Variants in CSGALNACT1 observed in about 807,000 individuals in gnomAD.
CSGALNACT1 encodes beta4GalNAcT-1.
Under a neutral mutation model 51.0 loss-of-function variants are expected in CSGALNACT1, and 52 were observed. The ratio of observed to expected loss-of-function variants is 1.02; its 90% CI spans 0.82 to 1.29. The LOEUF (loss-of-function observed/expected upper bound fraction) is 1.29, where lower values mean the gene tolerates loss of function less well. Ranked by LOEUF, CSGALNACT1 falls within the 50% of genes most tolerant of loss-of-function variation. The pLI is 0.00. For synonymous variants in CSGALNACT1, 341 were observed against 254.4 expected, an observed-to-expected ratio of 1.34 and a Z score of -3.24; for missense variants, 935 against 679.2, an observed-to-expected ratio of 1.38 and a Z score of -4.19.
Position 19,439,687 on chromosome 8 carries a change from C to G in CSGALNACT1, c.953+143G>C, listed in dbSNP as rs373250196. ...CTGCGGAAGAGGAGTGCAGACTTTT[C>G]CCTGAACACAGCCAGCAATCAATCC... On this transcript the variant is annotated intron_variant, in intron 6 of 9. Coordinates refer to ENST00000454498, the Ensembl canonical transcript of CSGALNACT1. 51 of 718,900 alleles carry G rather than the reference C, an allele frequency of 7.1e-5. No homozygotes were observed. The African/African-American group carries it at 7.7e-4, about 11-fold the overall frequency. The allele number at this position is 718,900 out of a possible 1,614,324, so 44.5% of individuals were successfully genotyped here.
rs186994881 is a variant in CSGALNACT1 at position 19,665,563 on chromosome 8, C to G, written c.-544+16910G>C. On this transcript the variant is annotated intron_variant, in intron 1 of 9. Transcript: ENST00000332246. Reference sequence around the variant, plus strand: ...TCTCCCTGAGGATGACTCACCATGCCTTTTCCCAACATCAGGCCCAGGAAG... The same window carrying G: ...TCTCCCTGAGGATGACTCACCATGCGTTTTCCCAACATCAGGCCCAGGAAG... Among the ~76,000 whole-genome samples the G allele has an allele frequency of 4.6e-5, 7 of 152,272 alleles. No individual in the cohort carries two copies. The East Asian group carries it at 1.4e-3, about 29-fold the overall frequency.
chr8:19,432,925 A>C (rs1414382054), intron 6 of CSGALNACT1, among the ~76,000 whole-genome samples: 1 of 152,060 alleles, frequency 6.6e-6, no homozygotes, highest in Non-Finnish European at 1.5e-5. Context: ...CAAACATCTA[A>C]GCTTCTTTAA....
At chr8:19,505,863 G>C (rs756061431) in exon 4 of CSGALNACT1, 3 of 1,604,528 alleles carry the variant, frequency 1.9e-6, no homozygotes, top group Non-Finnish European at 2.5e-6. Flanking sequence ...TCCAGAACCG[G>C]TGGCATCCCT....
chr8:19,535,654 G>T (rs185659109), intron 3 of CSGALNACT1, among the ~76,000 whole-genome samples: 5 of 152,258 alleles, frequency 3.3e-5, no homozygotes, highest in East Asian at 3.9e-4. Context: ...GATTCTGATT[G>T]TAAGATGATG....
At chr8:19,559,881 T>G (rs1165604140) in intron 3 of CSGALNACT1, among the ~76,000 whole-genome samples, 1 of 152,198 alleles carries the variant, frequency 6.6e-6, no homozygotes, top group Non-Finnish European at 1.5e-5. Flanking sequence ...TGAGGTGGTG[T>G]GGAACTTGAC....
At position 19,696,389 on chromosome 8, in the gene CSGALNACT1, G is replaced by C. The variant is rs545025763; in HGVS notation, c.-297+61461C>G. 7.9e-5 allele frequency among the ~76,000 whole-genome samples: 12 copies of C among 152,288 alleles called. 2 individuals are homozygous for C. Among genetic ancestry groups the C allele is most frequent in the African/African-American group, 2.9e-4 (12 of 41,558 alleles). On this transcript the variant is annotated intron_variant, in intron 1 of 1. Coordinates refer to the CSGALNACT1 transcript ENST00000517494. The stretch of plus-strand genomic sequence containing the variant: ...GGATATAAGCATGAATTAAAGGCAG[G>C]CCTTCCCTCAAGGGGCTCACTGTTT...
chr8:19,660,951 C>A (rs1049491475), intron 1 of CSGALNACT1, among the ~76,000 whole-genome samples: 3 of 152,156 alleles, frequency 2.0e-5, no homozygotes, highest in African/African-American at 7.2e-5. Context: ...CTTGCTCTGT[C>A]GCCCAGGCTG....
At chr8:19,511,449 CA>C (rs1160593511) in intron 3 of CSGALNACT1, among the ~76,000 whole-genome samples, 3 of 152,168 alleles carry the variant, frequency 2.0e-5, no homozygotes, top group Non-Finnish European at 4.4e-5. Context: ...CTCGGATAAA[CA>C]TACCATCCTG....
chr8:19,679,560 C>A (rs768157580), intron 1 of CSGALNACT1, among the ~76,000 whole-genome samples: 7 of 152,182 alleles, frequency 4.6e-5, no homozygotes, highest in African/African-American at 7.2e-5. Flanking sequence ...AGGATGCTGA[C>A]AATGCTGATC....
chr8:19,448,336 A>G (rs1278940381), intron 5 of CSGALNACT1, among the ~76,000 whole-genome samples: 2 of 152,212 alleles, frequency 1.3e-5, no homozygotes, highest in East Asian at 1.9e-4. Flanking sequence ...AAGGATGACC[A>G]TGTATGGTCT....
intron 6 of CSGALNACT1, among the ~76,000 whole-genome samples, chr8:19,428,248 T>C (rs2059087944): frequency 6.6e-6 from 1 of 152,176 alleles, no homozygotes; most frequent in Non-Finnish European, 1.5e-5. Flanking sequence ...ACACTGCTAA[T>C]AAAGACATAT....
intron 6 of CSGALNACT1, among the ~76,000 whole-genome samples, chr8:19,423,485 T>C (rs1050279179): frequency 1.3e-5 from 2 of 152,166 alleles, no homozygotes; most frequent in South Asian, 2.1e-4. Flanking sequence ...ATTCTGTGCA[T>C]GAATCCCCTA....
chr8:19,673,955 T>G (rs2059980975), intron 1 of CSGALNACT1, among the ~76,000 whole-genome samples: 3 of 152,300 alleles, frequency 2.0e-5, no homozygotes, highest in Admixed American at 1.3e-4. Flanking sequence ...ACTTGTCATC[T>G]AAGAGCTTAG....
At chr8:19,567,764 A>G (rs75757734) in intron 3 of CSGALNACT1, among the ~76,000 whole-genome samples, 4,565 of 152,282 alleles carry the variant, frequency 0.03, 240 homozygotes, top group African/African-American at 0.1. Context: ...GAAAACACAT[A>G]TAAAATATCA....
chr8:19,679,056 A>G (rs77575565), intron 1 of CSGALNACT1, among the ~76,000 whole-genome samples: 2,290 of 152,328 alleles, frequency 0.015, 25 homozygotes, highest in Non-Finnish European at 0.022. Flanking sequence ...TATGCAATCA[A>G]TAGTGTAGAA....
At chr8:19,697,083 G>A (rs1564441166) in intron 1 of CSGALNACT1, among the ~76,000 whole-genome samples, 1 of 152,180 alleles carries the variant, frequency 6.6e-6, no homozygotes, top group Non-Finnish European at 1.5e-5. Flanking sequence ...AGAACGGGAA[G>A]TGTGAGTTTC....
At chr8:19,435,727 G>C (rs140919824) in intron 6 of CSGALNACT1, among the ~76,000 whole-genome samples, 1 of 152,316 alleles carries the variant, frequency 6.6e-6, no homozygotes, top group African/African-American at 2.4e-5. Context: ...TGAAGAACCA[G>C]TGAGCTCATC....
At chr8:19,677,116 T>G (rs370518393) in intron 1 of CSGALNACT1, among the ~76,000 whole-genome samples, 2 of 151,510 alleles carry the variant, frequency 1.3e-5, no homozygotes, top group African/African-American at 4.9e-5. Context: ...AATGCTTTTT[T>G]TTTTCCTCCT....
chr8:19,666,273 C>T (rs138327649), intron 1 of CSGALNACT1, among the ~76,000 whole-genome samples: 5 of 152,314 alleles, frequency 3.3e-5, no homozygotes, highest in Middle Eastern at 3.4e-3. Flanking sequence ...CATCTATTGT[C>T]CTCATATTAT....
Sources: allele counts gnomAD v4.1 joint callset (sites outside exome capture counted in the v4.1 genomes callset), GRCh38; gene constraint gnomAD v4.1.1; transcripts MANE v1.5; gene names NCBI Gene and HGNC (gene_info 2026-07-23, HGNC 2026-07-21).